UEVLD: variants seen among roughly 807,000 people sequenced by gnomAD.
The protein encoded by UEVLD is UEV and lactate/malate dehyrogenase domains, also known as ubiquitin-conjugating enzyme E2 variant 3.
A neutral mutation model predicts 58.6 loss-of-function variants in UEVLD; 47 were observed. That is an observed-to-expected ratio of 0.80 (90% CI 0.63 to 1.02). The LOEUF is 1.02. Among genes scored for constraint, UEVLD ranks in the 50% least tolerant of loss-of-function variants. The pLI is 0.00. For missense variants in UEVLD, 510 were observed against 550.6 expected (o/e 0.93, Z 0.74); for synonymous variants, 197 against 195.3 (o/e 1.01, Z -0.07).
chr11:18,556,364 A>G (rs1851757067), intron 7 of UEVLD, among the ~76,000 whole-genome samples: 1 of 152,234 alleles, frequency 6.6e-6, no homozygotes, highest in African/African-American at 2.4e-5. Flanking sequence ...TACTCTTTCC[A>G]GAGAAGGAAA....
At chr11:18,537,954 A>C (rs1053785899) in intron 9 of UEVLD, among the ~76,000 whole-genome samples, 1 of 152,098 alleles carries the variant, frequency 6.6e-6, no homozygotes, top group Non-Finnish European at 1.5e-5. Flanking sequence ...TAAGCCACTG[A>C]GCCGAACTGC....
At chr11:18,563,551 A>T in intron 6 of UEVLD, 1 of 499,550 alleles carries the variant, frequency 2.0e-6, no homozygotes, top group Non-Finnish European at 2.6e-6. Flanking sequence ...AGATTGCACC[A>T]CTGCATTCCA....
At chr11:18,537,733 G>C (rs1484613689) in intron 9 of UEVLD, among the ~76,000 whole-genome samples, 1 of 151,986 alleles carries the variant, frequency 6.6e-6, no homozygotes, top group Non-Finnish European at 1.5e-5. Context: ...CACACTCTCA[G>C]CTCACTACAA....
chr11:18,587,295 G>A lies in UEVLD; in HGVS notation c.42+1318C>T, dbSNP rs140253424. On this transcript the variant is annotated intron_variant, in intron 1 of 11. Coordinates refer to ENST00000396197, the MANE Select transcript of UEVLD (RefSeq NM_001040697.4). ...TTAATTTCACATGCTCTGAAGAGGA[G>A]ACAGAAAGGGTAGCATTATGATACT... is the stretch of plus-strand genomic sequence containing the variant. 1.2e-4 allele frequency among the ~76,000 whole-genome samples: 18 copies of A among 152,272 alleles called. No individual in the cohort carries two copies. In the East Asian group the frequency reaches 2.3e-3, roughly 20 times the overall value.
rs147041526 is a variant in UEVLD, at chr11:18,577,137, C to G, written c.127+1587G>C. ...GGGGGAGGTTGCAGTGAGCTGAGAT[C>G]GTGCCACTGCACTGCAGCCTGGGCA... On this transcript the variant is annotated intron_variant, in intron 2 of 11. Coordinates refer to ENST00000396197, the MANE Select transcript of UEVLD (RefSeq NM_001040697.4). Among the ~76,000 whole-genome samples, 151 of 152,178 alleles carry G rather than the reference C, an allele frequency of 9.9e-4. No homozygotes were observed. The East Asian group carries it at 0.025, about 25-fold the overall frequency.
intron 7 of UEVLD, among the ~76,000 whole-genome samples, chr11:18,547,892 T>C (rs1485703062): frequency 6.6e-6 from 1 of 152,084 alleles, no homozygotes; most frequent in East Asian, 1.9e-4. Flanking sequence ...CTCTAAAGAG[T>C]AGTTCAAAAA....
intron 9 of UEVLD, among the ~76,000 whole-genome samples, chr11:18,539,401 T>C (rs1850962396): frequency 6.6e-6 from 1 of 152,030 alleles, no homozygotes; most frequent in Non-Finnish European, 1.5e-5. Context: ...CACAAAACCA[T>C]GAACTGTTAT....
rs1850801337 is a variant in UEVLD at position 18,536,485 on chromosome 11, GAATT to G, written c.1061-20_1061-17del. ...CATGTGAGCACTAAAATTAGATGAA[GAATT>G]AATTATGTTTTGCCAGTGACTCTTT... On this transcript the variant is annotated splice_polypyrimidine_tract_variant and intron_variant, in intron 9 of 11. Transcript: ENST00000396197. The G allele has an allele frequency of 6.2e-7, 1 of 1,608,376 alleles. No individual in the cohort carries two copies. The highest frequency in any genetic ancestry group is 8.5e-7 in the Non-Finnish European group (1 of 1,175,150).
At chr11:18,577,169 C>G (rs1852960380) in intron 2 of UEVLD, among the ~76,000 whole-genome samples, 2 of 152,124 alleles carry the variant, frequency 1.3e-5, no homozygotes, top group African/African-American at 4.8e-5. Context: ...GGCAAACAGA[C>G]AGTGACTACG....
At chr11:18,585,518 G>C (rs1853502220) in intron 1 of UEVLD, among the ~76,000 whole-genome samples, 2 of 152,008 alleles carry the variant, frequency 1.3e-5, no homozygotes. Context: ...AAGCCCTTTA[G>C]TCTGTTTCAC....
At chr11:18,577,742 G>T (rs765505917) in intron 2 of UEVLD, among the ~76,000 whole-genome samples, 12 of 151,862 alleles carry the variant, frequency 7.9e-5, no homozygotes, top group Non-Finnish European at 1.3e-4. Flanking sequence ...CATGGTGGTG[G>T]GTGCCTGTAA....
chr11:18,587,080 T>C (rs1853609781), intron 1 of UEVLD, among the ~76,000 whole-genome samples: 1 of 152,188 alleles, frequency 6.6e-6, no homozygotes, highest in South Asian at 2.1e-4. Flanking sequence ...CCAGACTCTA[T>C]GCTATGCACT....
Position 18,534,324 on chromosome 11 carries a change from A to C in UEVLD, c.1248+6T>G. ...AATATAATAAGAGAATAAGAATAGC[A>C]ATTACCTTTGCTAAAGCTGATACAG... is the stretch of plus-strand genomic sequence containing the variant. On this transcript the variant is annotated splice_donor_region_variant and intron_variant, in intron 11 of 11. Transcript: ENST00000396197. 6.6e-7 allele frequency: 1 copy of C among 1,512,286 alleles called. No homozygotes were observed. Among genetic ancestry groups the C allele is most frequent in the Non-Finnish European group, 8.8e-7 (1 of 1,135,792 alleles). The allele number at this position is 1,512,286 out of a possible 1,614,324, so 93.7% of individuals were successfully genotyped here.
intron 7 of UEVLD, among the ~76,000 whole-genome samples, chr11:18,552,636 C>T (rs1160057539): frequency 1.3e-5 from 2 of 150,612 alleles, no homozygotes; most frequent in Non-Finnish European, 3.0e-5. Flanking sequence ...CTGAGGTGGG[C>T]GGATCACCTG....
chr11:18,577,871 CAAAAAAA>C (rs550091645), intron 2 of UEVLD, among the ~76,000 whole-genome samples: 3 of 66,778 alleles, frequency 4.5e-5, no homozygotes, highest in African/African-American at 1.1e-4. Context: ...GACTCCATCT[CAAAAAAA>C]AAAAAAAAAA....
intron 3 of UEVLD, among the ~76,000 whole-genome samples, chr11:18,572,398 T>C (rs1337311163): frequency 6.6e-6 from 1 of 152,196 alleles, no homozygotes; most frequent in Non-Finnish European, 1.5e-5. Context: ...TCCATGCAGA[T>C]GGGAGGATAG....
Position 18,575,417 on chromosome 11 carries a change from A to T in UEVLD, c.128-5T>A. On this transcript the variant is annotated splice_polypyrimidine_tract_variant and splice_region_variant and intron_variant, in intron 2 of 11. Coordinates refer to ENST00000396197, the MANE Select transcript of UEVLD (RefSeq NM_001040697.4). ...TCTGAGAACTATCTTTAAAAACTAGAAGAAAAAAAAAAAAGCCCCAAAATG... is the reference window on the plus strand; with the variant it reads ...TCTGAGAACTATCTTTAAAAACTAGTAGAAAAAAAAAAAAGCCCCAAAATG... 6.3e-7 allele frequency: 1 copy of T among 1,588,866 alleles called. No individual in the cohort carries two copies. The highest frequency in any genetic ancestry group is 8.5e-7 in the Non-Finnish European group (1 of 1,173,570).
In UEVLD at chr11:18,578,713, A is replaced by T; in HGVS notation, c.127+11T>A. ...TAATGCAGCATTTAAACTAGAGGAT[A>T]TGATTCTTACCATAGGTGTCCATGG... On this transcript the variant is annotated intron_variant, in intron 2 of 11. Transcript: ENST00000396197. The T allele has an allele frequency of 6.3e-7, 1 of 1,582,764 alleles. No homozygotes were observed. Among genetic ancestry groups the T allele is most frequent in the Admixed American group, 1.8e-5 (1 of 56,072 alleles).
chr11:18,541,028 A>G (rs928659790), intron 9 of UEVLD, among the ~76,000 whole-genome samples: 10 of 152,230 alleles, frequency 6.6e-5, no homozygotes, highest in Non-Finnish European at 1.0e-4. Flanking sequence ...GTTCCTCTGA[A>G]GAGCTCACAA....
Sources: allele counts gnomAD v4.1 joint callset (sites outside exome capture counted in the v4.1 genomes callset), GRCh38; gene constraint gnomAD v4.1.1; transcripts MANE v1.5; gene names NCBI Gene and HGNC (gene_info 2026-07-23, HGNC 2026-07-21).